FOXK2: variants seen among roughly 807,000 people sequenced by gnomAD.
FOXK2 encodes the protein forkhead box K2.
FOXK2 carries 24 observed loss-of-function variants against 53.3 expected under a neutral mutation model. That is an observed-to-expected ratio of 0.45 (90% CI 0.33 to 0.63). The LOEUF is 0.63. FOXK2 is among the 30% of genes least tolerant of loss of function. The probability of loss-of-function intolerance (pLI) is 0.03; values close to 1 mark genes in which losing one functional copy is unlikely to be tolerated. For missense variants in FOXK2, 952 were observed against 910.5 expected (o/e 1.05, Z -0.59); for synonymous variants, 505 against 407.1 (o/e 1.24, Z -2.89).
At chr17:82,595,051 A>T (rs2045295632) in intron 8 of FOXK2, among the ~76,000 whole-genome samples, 1 of 152,152 alleles carries the variant, frequency 6.6e-6, no homozygotes, top group African/African-American at 2.4e-5. Flanking sequence ...ATAGTAAGTA[A>T]ATGGAGGAAT....
At chr17:82,571,636 A>T in intron 3 of FOXK2, 88 bp from the exon 4 acceptor site, 1 of 1,322,988 alleles carries the variant, frequency 7.6e-7, no homozygotes, top group Non-Finnish European at 9.9e-7. Context: ...AGGAACACTT[A>T]AAAGCACTGA....
At position 82,587,160 on chromosome 17, in the gene FOXK2, C is replaced by A. The variant is rs373697681; in HGVS notation, c.1674C>A (p.Thr558=). 3 of 1,612,980 alleles carry A rather than the reference C, an allele frequency of 1.9e-6. No homozygotes were observed. The African/African-American group carries it at 4.0e-5, about 22-fold the overall frequency. Reference sequence around the variant, plus strand: ...AGACCACCCCGGTCCAGACGGTGACCATAGTACAACAGGCACCTCTAGGTC... The same window carrying A: ...AGACCACCCCGGTCCAGACGGTGACAATAGTACAACAGGCACCTCTAGGTC... ...TAQTTPVQTV[T]IVQQAPLGQH... Residue 558 remains threonine, a synonymous_variant, in exon 8 of 9, where the codon ACC becomes ACA. Transcript: ENST00000335255.
At position 82,584,070 on chromosome 17, in the gene FOXK2, C is replaced by T. The variant is rs2045101426; in HGVS notation, c.1161C>T (p.Ala387=). ...TGCTGTCTGCTCACTCTAGTGGCGC[C>T]CAGACCCCTGAGAGCCTGTCGAGGG... ...AGVLSAHSSG[A]QTPESLSREG... is the part of the protein sequence containing the mutation. Residue 387 remains alanine (A), a synonymous_variant, in exon 6 of 9, where the codon GCC becomes GCT. Coordinates refer to ENST00000335255, the MANE Select transcript of FOXK2 (RefSeq NM_004514.4). The T allele has an allele frequency of 6.2e-7, 1 of 1,611,910 alleles. No homozygotes were observed. The highest frequency in any genetic ancestry group is 1.7e-4 in the Middle Eastern group (1 of 6,058).
At position 82,563,411 on chromosome 17, in the gene FOXK2, C is replaced by T. The variant is rs752637649; in HGVS notation, c.477C>T (p.Ser159=). Residue 159 remains serine (S), a synonymous_variant, in exon 2 of 9, where the codon AGC becomes AGT. Transcript: ENST00000335255. ...AGATAACGTTCACTGCCCTGTCCAG[C>T]GAGAAGAGAGAGAAGCAGGAGGCGT... ...NIKITFTALS[S]EKREKQEASE... is the part of the protein sequence containing the mutation. 1.1e-5 allele frequency: 18 copies of T among 1,614,006 alleles called. No homozygotes were observed. The Admixed American group carries it at 1.3e-4, about 12-fold the overall frequency.
At chr17:82,574,580 GA>G (rs1273961038) in intron 4 of FOXK2, among the ~76,000 whole-genome samples, 16 of 152,064 alleles carry the variant, frequency 1.1e-4, no homozygotes, top group African/African-American at 3.4e-4. Flanking sequence ...TCGGTCTCCC[GA>G]AGTGCTGGGA....
chr17:82,523,544 C>T lies in FOXK2; in HGVS notation c.419+3237C>T, dbSNP rs556391973. Among the ~76,000 whole-genome samples, 271 of 150,840 alleles carry T rather than the reference C, an allele frequency of 1.8e-3. 1 individual carries two copies. Among genetic ancestry groups the T allele is most frequent in the Non-Finnish European group, 2.9e-3 (197 of 67,848 alleles). On this transcript the variant is annotated intron_variant, in intron 1 of 8. Transcript: ENST00000335255. ...CTGGAGTGCAATGGTATGATCTCGG[C>T]TCATTGCAACCTCCGCTTCCTGGGC...
chr17:82,563,899 C>CCACCA (rs1278688255), intron 2 of FOXK2, among the ~76,000 whole-genome samples: 3 of 144,752 alleles, frequency 2.1e-5, no homozygotes, highest in African/African-American at 7.7e-5. Context: ...CTACAGGCGC[C>CCACCA]CACCACCACG....
At chr17:82,587,500 A>G (rs1248695158) in intron 8 of FOXK2, 1 of 561,252 alleles carries the variant, frequency 1.8e-6, no homozygotes, top group Non-Finnish European at 3.2e-6. Context: ...AGTTTCTAAT[A>G]CATTGAGAGG....
Position 82,568,146 on chromosome 17 carries a change from C to T in FOXK2, c.707C>T (p.Ala236Val). The change falls in exon 3 of 9, where the codon GCT (alanine) becomes GTT (valine). Residue 236 changes from alanine to valine, a missense_variant. Ala to Val is a moderately conservative substitution (Grantham distance 64). Coordinates refer to ENST00000335255, the MANE Select transcript of FOXK2 (RefSeq NM_004514.4). Reference protein sequence around the residue: ...RVMPSDLNLMADNSQPENEKE... With the variant: ...RVMPSDLNLMVDNSQPENEKE... The stretch of plus-strand genomic sequence containing the variant: ...ATGCCATCTGACCTCAATTTAATGG[C>T]TGACAACTCACAGCCTGAAAATGAA... The T allele has an allele frequency of 6.2e-7, 1 of 1,613,818 alleles. No individual in the cohort carries two copies. The highest frequency in any genetic ancestry group is 8.5e-7 in the Non-Finnish European group (1 of 1,180,022).
Position 82,587,291 on chromosome 17 carries a change from T to C in FOXK2, c.1786+19T>C. On this transcript the variant is annotated intron_variant, in intron 8 of 8. Transcript: ENST00000335255. ...AACAATGGTAAGACATGCTGGTCGG[T>C]GGCTCCCCGTGGCTGTGGGTACTGG... The C allele has an allele frequency of 6.3e-7, 1 of 1,589,832 alleles. No individual in the cohort carries two copies. Among genetic ancestry groups the C allele is most frequent in the Non-Finnish European group, 8.6e-7 (1 of 1,159,738 alleles).
chr17:82,531,456 C>G (rs2044471463), intron 1 of FOXK2, among the ~76,000 whole-genome samples: 1 of 152,124 alleles, frequency 6.6e-6, no homozygotes, highest in Non-Finnish European at 1.5e-5. Context: ...CTGTGGAAAT[C>G]ATTCTGAGAA....
intron 4 of FOXK2, chr17:82,576,554 G>C: frequency 2.8e-6 from 2 of 712,260 alleles, no homozygotes; most frequent in South Asian, 1.6e-5. Context: ...ATCATGAGCT[G>C]AGCCTGTTGG....
intron 1 of FOXK2, among the ~76,000 whole-genome samples, chr17:82,528,728 A>G (rs1210134751): frequency 6.6e-6 from 1 of 152,218 alleles, no homozygotes; most frequent in Non-Finnish European, 1.5e-5. Flanking sequence ...GTCAGTTTAG[A>G]GTGCACATTG....
intron 8 of FOXK2, chr17:82,599,710 TCA>T (rs2045361094): frequency 6.6e-6 from 1 of 152,264 alleles, no homozygotes; most frequent in Non-Finnish European, 1.5e-5. Flanking sequence ...CTGGCCGGAC[TCA>T]CATCCGCTCC....
chr17:82,552,562 A>G (rs1444028153), intron 1 of FOXK2, among the ~76,000 whole-genome samples: 2 of 152,036 alleles, frequency 1.3e-5, no homozygotes, highest in African/African-American at 4.8e-5. Flanking sequence ...TGTGACATTG[A>G]TATTTTTGAA....
chr17:82,584,330 G>A (rs2045105794), intron 6 of FOXK2, 142 bp downstream of exon 6: 1 of 852,044 alleles, frequency 1.2e-6, no homozygotes, highest in Non-Finnish European at 1.7e-6. Flanking sequence ...TATAGGCCTT[G>A]GAAAACTAAT....
intron 5 of FOXK2, among the ~76,000 whole-genome samples, chr17:82,583,343 G>C (rs981153895): frequency 2.0e-5 from 3 of 152,082 alleles, no homozygotes; most frequent in African/African-American, 4.8e-5. Flanking sequence ...TCAGGAGGTC[G>C]AGATCAGCCT....
At chr17:82,526,423 G>T (rs1165127423) in intron 1 of FOXK2, among the ~76,000 whole-genome samples, 5 of 152,174 alleles carry the variant, frequency 3.3e-5, no homozygotes, top group Non-Finnish European at 7.3e-5. Context: ...AGGAGTGGAG[G>T]TAGAAGGAGT....
chr17:82,593,437 C>A (rs1040077560), intron 8 of FOXK2: 9 of 152,446 alleles, frequency 5.9e-5, no homozygotes, highest in African/African-American at 1.7e-4. Flanking sequence ...AAGCCCCGCG[C>A]CCCCCTGGCG....
Sources: allele counts gnomAD v4.1 joint callset (sites outside exome capture counted in the v4.1 genomes callset), GRCh38; gene constraint gnomAD v4.1.1; transcripts MANE v1.5; gene names NCBI Gene and HGNC (gene_info 2026-07-23, HGNC 2026-07-21).